TLX2: variants seen among roughly 807,000 people sequenced by gnomAD.
TLX2 encodes T-cell leukemia homeobox protein 2.
In TLX2, 15 loss-of-function variants were observed where a neutral mutation model predicts 21.7. The observed-to-expected ratio is 0.69, with a 90% CI of 0.46 to 1.07. The LOEUF (loss-of-function observed/expected upper bound fraction) is 1.07, where lower values mean the gene tolerates loss of function less well. Among genes scored for constraint, TLX2 ranks in the 50% least tolerant of loss-of-function variants. The pLI, the probability that TLX2 is intolerant of heterozygous loss-of-function variation, is 0.00. For synonymous variants in TLX2, 213 were observed against 193.1 expected (o/e 1.10, Z -0.85); for missense variants, 384 against 409.1 (o/e 0.94, Z 0.53).
Position 74,515,629 on chromosome 2 carries a change from G to A in TLX2, c.401-4G>A, listed in dbSNP as rs376732068. On this transcript the variant is annotated splice_region_variant and splice_polypyrimidine_tract_variant and intron_variant, in intron 1 of 2. Transcript: ENST00000233638. The surrounding 1 kb of genome is among the most constrained non-coding windows in gnomAD (Gnocchi z 6.6). ...CCTGCCCTGGTCTTTCTTCCTCCCGGTAGCTGCGCTCTCGCCCTTCTCTGG... is the reference window on the plus strand; with the variant it reads ...CCTGCCCTGGTCTTTCTTCCTCCCGATAGCTGCGCTCTCGCCCTTCTCTGG... 3 of 1,606,310 alleles carry A rather than the reference G, an allele frequency of 1.9e-6. No individual in the cohort carries two copies. Among genetic ancestry groups the A allele is most frequent in the Non-Finnish European group, 2.6e-6 (3 of 1,175,002 alleles).
chr2:74,515,968 C>T lies in TLX2; in HGVS notation c.639-5C>T, dbSNP rs892516625. The T allele has an allele frequency of 1.4e-6, 2 of 1,472,372 alleles. No homozygotes were observed. The highest frequency in any genetic ancestry group is 2.6e-5 in the East Asian group (1 of 38,388). The allele number at this position is 1,472,372 out of a possible 1,614,324, so 91.2% of individuals were successfully genotyped here. A position where few individuals can be genotyped will look rare whatever the true frequency, so the allele number is the denominator to read the frequency against. ...CCCCGCTGACCCCGCGTCTCCCTCC[C>T]TTAGGCGCCAGACGGCGGAGGAGCG... On this transcript the variant is annotated splice_polypyrimidine_tract_variant and splice_region_variant and intron_variant, in intron 2 of 2. Transcript: ENST00000233638. The surrounding 1 kb of genome is among the most constrained non-coding windows in gnomAD (Gnocchi z 6.6).
rs756004317 is a variant in TLX2 at position 74,514,950 on chromosome 2, G to T, written c.144G>T (p.Gly48=). ...GGGGCCAGGGTCATGGGGAGAATGG[G>T]GCGTTCTCGGGTGGATACCACGGAG... ...GRGGQGHGEN[G]AFSGGYHGAS... Residue 48 remains glycine (G), a synonymous_variant, in exon 1 of 3, where the codon GGG becomes GGT. Coordinates refer to ENST00000233638, the MANE Select transcript of TLX2 (RefSeq NM_016170.5). The surrounding 1 kb of genome is among the most constrained non-coding windows in gnomAD (Gnocchi z 5.0). The T allele has an allele frequency of 6.3e-7, 1 of 1,592,022 alleles. No homozygotes were observed. Among genetic ancestry groups the T allele is most frequent in the Admixed American group, 1.7e-5 (1 of 57,698 alleles).
At position 74,516,818 on chromosome 2, in the gene TLX2, C is replaced by G. The variant is rs1405198269; in HGVS notation, c.*629C>G. 1 of 156,018 alleles carries G rather than the reference C, an allele frequency of 6.4e-6. No homozygotes were observed. Among genetic ancestry groups the G allele is most frequent in the East Asian group, 1.9e-4 (1 of 5,210 alleles). The allele number at this position is 156,018 out of a possible 1,614,324, so 9.7% of individuals were successfully genotyped here. A position where few individuals can be genotyped will look rare whatever the true frequency, so the allele number is the denominator to read the frequency against. On this transcript the variant is annotated 3_prime_UTR_variant, in exon 3 of 3. Transcript: ENST00000233638. ...GCCTGCTGGCCACATCCTCCGGCAA[C>G]ACGCCCGGGCAGGAGGCGAGTCGGA... is the stretch of plus-strand genomic sequence containing the variant.
Position 74,515,220 on chromosome 2 carries a change from A to AC in TLX2, c.400+18dup. 6.5e-7 allele frequency: 1 copy of AC among 1,537,188 alleles called. No homozygotes were observed. Among genetic ancestry groups the AC allele is most frequent in the Non-Finnish European group, 8.7e-7 (1 of 1,147,170 alleles). On this transcript the variant is annotated intron_variant, in intron 1 of 2. Transcript: ENST00000233638. The surrounding 1 kb of genome is among the most constrained non-coding windows in gnomAD (Gnocchi z 6.6). ...ACCGGCTCACGGGTGAGGTTGTCTGACCCCTCCAGCGTCACGCCCGACTCT... is the reference window on the plus strand; with the variant it reads ...ACCGGCTCACGGGTGAGGTTGTCTGACCCCCTCCAGCGTCACGCCCGACTCT...
rs1674889699 is a variant in TLX2 at position 74,516,457 on chromosome 2, G to C, written c.*268G>C. On this transcript the variant is annotated 3_prime_UTR_variant, in exon 3 of 3. Coordinates refer to ENST00000233638, the MANE Select transcript of TLX2 (RefSeq NM_016170.5). ...GGCGCCGAGAGGGCGGGACCTGCAGGACAGTAGCCAATGAGGTGCGGGGAG... is the reference window on the plus strand; with the variant it reads ...GGCGCCGAGAGGGCGGGACCTGCAGCACAGTAGCCAATGAGGTGCGGGGAG... The C allele has an allele frequency of 7.4e-7, 1 of 1,349,682 alleles. No homozygotes were observed. The allele number at this position is 1,349,682 out of a possible 1,614,324, so 83.6% of individuals were successfully genotyped here.
At position 74,516,126 on chromosome 2, in the gene TLX2, C is replaced by T. The variant is rs753628109; in HGVS notation, c.792C>T (p.Asn264=). Residue 264 remains asparagine (N), a synonymous_variant, in exon 3 of 3, where the codon AAC becomes AAT. Coordinates refer to ENST00000233638, the MANE Select transcript of TLX2 (RefSeq NM_016170.5). ...LHNSSLFALQ[N]LQPWAEDNKV... is the part of the protein sequence containing the mutation. ...ACTCGTCGCTCTTCGCGCTGCAGAA[C>T]CTGCAGCCCTGGGCCGAGGACAACA... The T allele has an allele frequency of 8.1e-6, 13 of 1,610,892 alleles. No homozygotes were observed. Among genetic ancestry groups the T allele is most frequent in the Middle Eastern group, 1.7e-4 (1 of 6,050 alleles).
In TLX2 at chr2:74,516,075, GC is replaced by G; in HGVS notation, c.746del (p.Pro249ArgfsTer62). The G allele has an allele frequency of 2.5e-6, 4 of 1,596,194 alleles. No homozygotes were observed. The highest frequency in any genetic ancestry group is 1.4e-5 in the African/African-American group (1 of 72,780). ...ALPRPLRPPLPPDPLCLHNSS... is the reference protein window; with the variant it reads ...ALPRPLRPPLXPDPLCLHNSS... ...TGCCACGGCCGCTGCGGCCGCCGCT[GC>G]CCCCGGACCCTCTCTGCCTGCACAA... On this transcript the variant is annotated frameshift_variant, in exon 3 of 3. Coordinates refer to ENST00000233638, the MANE Select transcript of TLX2 (RefSeq NM_016170.5). LOFTEE classifies it high-confidence loss of function.
At position 74,515,762 on chromosome 2, in the gene TLX2, T is replaced by C; in HGVS notation, c.530T>C (p.Leu177Pro). The change falls in exon 2 of 3, where the codon CTG becomes CCG. Residue 177 changes from leucine (L) to proline (P), a missense_variant. Physicochemically the swap from Leu to Pro is moderately conservative, Grantham distance 98 (BLOSUM62 -3). Coordinates refer to ENST00000233638, the MANE Select transcript of TLX2 (RefSeq NM_016170.5). This position sits in a 1 kb window ranked among gnomAD's most constrained non-coding sequence, Gnocchi z 6.6. ...GTGCTGGAGTTGGAGCGGCGCTTCC[T>C]GCGCCAGAAGTACCTGGCCTCTGCG... ...SQVLELERRF[L>P]RQKYLASAER... 6.2e-7 allele frequency: 1 copy of C among 1,613,390 alleles called. No homozygotes were observed. Among genetic ancestry groups the C allele is most frequent in the Admixed American group, 1.7e-5 (1 of 60,016 alleles).
chr2:74,516,482 G>A lies in TLX2; in HGVS notation c.*293G>A, dbSNP rs1013441371. On this transcript the variant is annotated 3_prime_UTR_variant, in exon 3 of 3. Coordinates refer to ENST00000233638, the MANE Select transcript of TLX2 (RefSeq NM_016170.5). Reference sequence around the variant, plus strand: ...GACAGTAGCCAATGAGGTGCGGGGAGGGGGCCGGGCTGGCCAATGGGAGCT... The same window carrying A: ...GACAGTAGCCAATGAGGTGCGGGGAAGGGGCCGGGCTGGCCAATGGGAGCT... 6.2e-6 allele frequency: 8 copies of A among 1,295,022 alleles called. No individual in the cohort carries two copies. The highest frequency in any genetic ancestry group is 3.9e-5 in the East Asian group (1 of 25,756). 80.2% of individuals were successfully genotyped at this position (1,295,022 alleles called of 1,614,324 possible).
chr2:74,516,092 G>A lies in TLX2; in HGVS notation c.758G>A (p.Cys253Tyr). 6.2e-7 allele frequency: 1 copy of A among 1,608,628 alleles called. No individual in the cohort carries two copies. ...CCGCCGCTGCCCCCGGACCCTCTCT[G>A]CCTGCACAACTCGTCGCTCTTCGCG... ...LRPPLPPDPL[C>Y]LHNSSLFALQ... The change falls in exon 3 of 3, where the codon TGC (cysteine) becomes TAC (tyrosine). Residue 253 changes from cysteine to tyrosine, a missense_variant. Cys to Tyr is a radical substitution (Grantham distance 194). Coordinates refer to ENST00000233638, the MANE Select transcript of TLX2 (RefSeq NM_016170.5).
rs1018728112 is a variant in TLX2 at position 74,515,342 on chromosome 2, A to G, written c.400+136A>G. On this transcript the variant is annotated intron_variant, in intron 1 of 2. Transcript: ENST00000233638. This position sits in a 1 kb window ranked among gnomAD's most constrained non-coding sequence, Gnocchi z 6.6. The stretch of plus-strand genomic sequence containing the variant: ...CCCAGGGGATCCTCCCCCAACTCAA[A>G]TCTCTGGGTCCTGCCTCCGAGAGGT... 5 of 1,462,880 alleles carry G rather than the reference A, an allele frequency of 3.4e-6. No individual in the cohort carries two copies. Among genetic ancestry groups the G allele is most frequent in the Non-Finnish European group, 4.6e-6 (5 of 1,095,190 alleles). 90.6% of individuals were successfully genotyped at this position (1,462,880 alleles called of 1,614,324 possible). A position where few individuals can be genotyped will look rare whatever the true frequency, so the allele number is the denominator to read the frequency against.
Position 74,515,730 on chromosome 2 carries a change from C to T in TLX2, c.498C>T (p.Arg166=). Residue 166 remains arginine, a synonymous_variant, in exon 2 of 3, where the codon CGC becomes CGT. Transcript: ENST00000233638. This position sits in a 1 kb window ranked among gnomAD's most constrained non-coding sequence, Gnocchi z 6.6. Reference sequence around the variant, plus strand: ...AGAAGCCGCGCACGTCCTTCTCCCGCTCACAGGTGCTGGAGTTGGAGCGGC... The same window carrying T: ...AGAAGCCGCGCACGTCCTTCTCCCGTTCACAGGTGCTGGAGTTGGAGCGGC... ...KRKKPRTSFS[R]SQVLELERRF... is the part of the protein sequence containing the mutation. The T allele has an allele frequency of 6.2e-7, 1 of 1,613,630 alleles. No individual in the cohort carries two copies.
At position 74,515,943 on chromosome 2, in the gene TLX2, C is replaced by G; in HGVS notation, c.639-30C>G. 6.8e-7 allele frequency: 1 copy of G among 1,480,442 alleles called. No individual in the cohort carries two copies. The highest frequency in any genetic ancestry group is 1.4e-5 in the South Asian group (1 of 71,918). The allele number at this position is 1,480,442 out of a possible 1,614,324, so 91.7% of individuals were successfully genotyped here. The stretch of plus-strand genomic sequence containing the variant: ...CTGGTGAGAAGCGACGCGGCGGGCG[C>G]CCCGCTGACCCCGCGTCTCCCTCCC... On this transcript the variant is annotated intron_variant, in intron 2 of 2. Coordinates refer to ENST00000233638, the MANE Select transcript of TLX2 (RefSeq NM_016170.5). The surrounding 1 kb of genome is among the most constrained non-coding windows in gnomAD (Gnocchi z 6.6).
chr2:74,514,795 C>A lies in TLX2; in HGVS notation c.-12C>A. 6.2e-7 allele frequency: 1 copy of A among 1,612,178 alleles called. No individual in the cohort carries two copies. The highest frequency in any genetic ancestry group is 1.7e-4 in the Middle Eastern group (1 of 6,058). ...CCACCGAACCTCCGGCGGTTCTCCT[C>A]GGCCCAGACCGATGGAGCCGGGGAT... On this transcript the variant is annotated 5_prime_UTR_variant, in exon 1 of 3. Coordinates refer to ENST00000233638, the MANE Select transcript of TLX2 (RefSeq NM_016170.5). The surrounding 1 kb of genome is among the most constrained non-coding windows in gnomAD (Gnocchi z 5.0).
In TLX2 at chr2:74,516,318, C is replaced by G; in HGVS notation, c.*129C>G. The G allele has an allele frequency of 1.3e-6, 2 of 1,524,976 alleles. No individual in the cohort carries two copies. The highest frequency in any genetic ancestry group is 2.4e-5 in the South Asian group (2 of 82,086). The allele number at this position is 1,524,976 out of a possible 1,614,324, so 94.5% of individuals were successfully genotyped here. A position where few individuals can be genotyped will look rare whatever the true frequency, so the allele number is the denominator to read the frequency against. The stretch of plus-strand genomic sequence containing the variant: ...GGCCTTGAGGCTGTCGTCGAGGGCT[C>G]CTCCACCACCGGCCGGCTCCCAAGC... On this transcript the variant is annotated 3_prime_UTR_variant, in exon 3 of 3. Transcript: ENST00000233638.
Position 74,516,407 on chromosome 2 carries a change from C to A in TLX2, c.*218C>A. 1.4e-6 allele frequency: 2 copies of A among 1,443,218 alleles called. No individual in the cohort carries two copies. Among genetic ancestry groups the A allele is most frequent in the South Asian group, 1.4e-5 (1 of 71,826 alleles). 89.4% of individuals were successfully genotyped at this position (1,443,218 alleles called of 1,614,324 possible). A position where few individuals can be genotyped will look rare whatever the true frequency, so the allele number is the denominator to read the frequency against. On this transcript the variant is annotated 3_prime_UTR_variant, in exon 3 of 3. Transcript: ENST00000233638. ...TTTCCCGCCATTTTTCACTTCACTGCCGTTACGCCCTCGCTGGAACCTGAG... is the reference window on the plus strand; with the variant it reads ...TTTCCCGCCATTTTTCACTTCACTGACGTTACGCCCTCGCTGGAACCTGAG...
Position 74,516,281 on chromosome 2 carries a change from T to A in TLX2, c.*92T>A. The A allele has an allele frequency of 2.6e-6, 4 of 1,532,476 alleles. No homozygotes were observed. Among genetic ancestry groups the A allele is most frequent in the Non-Finnish European group, 3.5e-6 (4 of 1,144,516 alleles). The allele number at this position is 1,532,476 out of a possible 1,614,324, so 94.9% of individuals were successfully genotyped here. A position where few individuals can be genotyped will look rare whatever the true frequency, so the allele number is the denominator to read the frequency against. On this transcript the variant is annotated 3_prime_UTR_variant, in exon 3 of 3. Transcript: ENST00000233638. ...CATGGTCTAGTGGCAGCCGGGCGCG[T>A]GAGGAGCGGCAGGCCTTGAGGCTGT... is the stretch of plus-strand genomic sequence containing the variant.
Position 74,515,699 on chromosome 2 carries a change from A to G in TLX2, c.467A>G (p.Lys156Arg). The G allele has an allele frequency of 6.2e-7, 1 of 1,613,688 alleles. No individual in the cohort carries two copies. The highest frequency in any genetic ancestry group is 8.5e-7 in the Non-Finnish European group (1 of 1,179,942). The change falls in exon 2 of 3, where the codon AAG becomes AGG. Residue 156 changes from lysine (K) to arginine (R), a missense_variant. Transcript: ENST00000233638. The surrounding 1 kb of genome is among the most constrained non-coding windows in gnomAD (Gnocchi z 6.6). ...GHPYQNRTPP[K>R]RKKPRTSFSR... ...CCCTACCAAAACCGGACCCCTCCGA[A>G]GCGGAAGAAGCCGCGCACGTCCTTC...
chr2:74,516,416 C>G lies in TLX2; in HGVS notation c.*227C>G. The G allele has an allele frequency of 7.0e-7, 1 of 1,428,378 alleles. No homozygotes were observed. The highest frequency in any genetic ancestry group is 9.2e-7 in the Non-Finnish European group (1 of 1,090,636). The allele number at this position is 1,428,378 out of a possible 1,614,324, so 88.5% of individuals were successfully genotyped here. Reference sequence around the variant, plus strand: ...ATTTTTCACTTCACTGCCGTTACGCCCTCGCTGGAACCTGAGGCGCCGAGA... The same window carrying G: ...ATTTTTCACTTCACTGCCGTTACGCGCTCGCTGGAACCTGAGGCGCCGAGA... On this transcript the variant is annotated 3_prime_UTR_variant, in exon 3 of 3. Coordinates refer to ENST00000233638, the MANE Select transcript of TLX2 (RefSeq NM_016170.5).
Sources: allele counts gnomAD v4.1 joint callset, GRCh38; gene constraint gnomAD v4.1.1; non-coding constraint Gnocchi (gnomAD v3.1); transcripts MANE v1.5; gene names NCBI Gene and HGNC (gene_info 2026-07-23, HGNC 2026-07-21).